The following DTNBP1 variants were observed in gnomAD, a reference collection of about 807,000 sequenced individuals.
The protein encoded by DTNBP1 is dystrobrevin binding protein 1.
DTNBP1 carries 35 observed loss-of-function variants against 42.8 expected under a neutral mutation model. That is an observed-to-expected ratio of 0.82 (90% confidence interval 0.63 to 1.09). DTNBP1 has a LOEUF of 1.09. Among genes scored for constraint, DTNBP1 ranks in the 50% least tolerant of loss-of-function variants. The pLI is 0.00. For missense variants in DTNBP1, 457 were observed against 424.2 expected, an observed-to-expected ratio of 1.08 and a Z score of -0.68; for synonymous variants, 171 against 162.2, an observed-to-expected ratio of 1.05 and a Z score of -0.41.
intron 7 of DTNBP1, among the ~76,000 whole-genome samples, chr6:15,540,320 ATGCTTCAAC>A (rs1220049254): frequency 6.6e-6 from 1 of 152,262 alleles, no homozygotes; most frequent in Admixed American, 6.5e-5. Flanking sequence ...TACATTAAGT[ATGCTTCAAC>A]TGCTTCAAAG....
intron 6 of DTNBP1, among the ~76,000 whole-genome samples, chr6:15,594,478 AC>A (rs1318282589): frequency 2.0e-5 from 3 of 151,432 alleles, no homozygotes; most frequent in Non-Finnish European, 4.4e-5. Flanking sequence ...AAAAAAAAAA[AC>A]GAAACAAAAC....
intron 7 of DTNBP1, among the ~76,000 whole-genome samples, chr6:15,588,281 G>T (rs111802512): frequency 6.6e-6 from 1 of 152,116 alleles, no homozygotes; most frequent in Non-Finnish European, 1.5e-5. Context: ...TTTTAGTCTA[G>T]ACCTGATCTT....
chr6:15,601,111 T>C lies in DTNBP1; in HGVS notation c.489-8030A>G, dbSNP rs531564088. Among the ~76,000 whole-genome samples the C allele has an allele frequency of 5.9e-5, 9 of 152,246 alleles. No individual in the cohort carries two copies. The East Asian group carries it at 1.7e-3, about 29-fold the overall frequency. On this transcript the variant is annotated intron_variant, in intron 6 of 9. Coordinates refer to ENST00000344537, the MANE Select transcript of DTNBP1 (RefSeq NM_032122.5). The stretch of plus-strand genomic sequence containing the variant: ...CAGAGAAGAACATCTGGGATACTGG[T>C]GTTGAAGTCAAGAGAGGACAGTATC...
Position 15,523,156 on chromosome 6 carries a change from C to T in DTNBP1, c.875G>A (p.Arg292Lys), listed in dbSNP as rs1772029470. Reference protein sequence around the residue: ...TLQVPNPSELRAKPPSSSSTC... With the variant: ...TLQVPNPSELKAKPPSSSSTC... ...GGAGGAAGAAGAAGGTGGCTTGGCT[C>T]TTAATTCTGAGGGATTTGGAACCTG... is the stretch of plus-strand genomic sequence containing the variant. Residue 292 changes from arginine (R) to lysine (K), a missense_variant, in exon 10 of 10, where the codon AGA (arginine) becomes AAA (lysine). Coordinates refer to ENST00000344537, the MANE Select transcript of DTNBP1 (RefSeq NM_032122.5). The T allele has an allele frequency of 6.2e-7, 1 of 1,614,090 alleles. No homozygotes were observed. Among genetic ancestry groups the T allele is most frequent in the Admixed American group, 1.7e-5 (1 of 60,006 alleles).
chr6:15,658,531 T>C (rs145101662), intron 1 of DTNBP1, among the ~76,000 whole-genome samples: 1 of 152,102 alleles, frequency 6.6e-6, no homozygotes, highest in Non-Finnish European at 1.5e-5. Flanking sequence ...CAGGTTTTTT[T>C]ATCCCCAACC....
chr6:15,591,570 A>C (rs1776299915), intron 7 of DTNBP1, among the ~76,000 whole-genome samples: 1 of 152,250 alleles, frequency 6.6e-6, no homozygotes, highest in Non-Finnish European at 1.5e-5. Context: ...TTAATTGTAC[A>C]TAATTAGGAA....
intron 7 of DTNBP1, among the ~76,000 whole-genome samples, chr6:15,576,131 T>A (rs1479221034): frequency 1.3e-5 from 2 of 151,864 alleles, no homozygotes; most frequent in Non-Finnish European, 2.9e-5. Flanking sequence ...TTTTCCTTTT[T>A]TTTTTGAGAC....
At chr6:15,634,895 A>G (rs1200581253) in intron 4 of DTNBP1, among the ~76,000 whole-genome samples, 1 of 152,164 alleles carries the variant, frequency 6.6e-6, no homozygotes, top group Non-Finnish European at 1.5e-5. Flanking sequence ...TCCTTCCTAC[A>G]TCTCAGACCC....
Position 15,662,948 on chromosome 6 carries a change from C to A in DTNBP1, c.-79G>T. On this transcript the variant is annotated 5_prime_UTR_variant, in exon 1 of 10. Transcript: ENST00000344537. Reference sequence around the variant, plus strand: ...CGCCCCCTGGGTCCCACGCCGCCAACCCCGCGCTGTCACCGCGCGCCCCGC... The same window carrying A: ...CGCCCCCTGGGTCCCACGCCGCCAAACCCGCGCTGTCACCGCGCGCCCCGC... The A allele has an allele frequency of 8.2e-6, 13 of 1,584,646 alleles. No homozygotes were observed. Among genetic ancestry groups the A allele is most frequent in the Non-Finnish European group, 1.1e-5 (13 of 1,168,648 alleles).
rs1475222344 is a variant in DTNBP1 at position 15,565,374 on chromosome 6, G to T, written c.511+27685C>A. ...TGAAAACATGTGCACACAAAGGCTT[G>T]CACAGGAATGTTTACAGTAGTACTT... On this transcript the variant is annotated intron_variant, in intron 7 of 9. Coordinates refer to ENST00000344537, the MANE Select transcript of DTNBP1 (RefSeq NM_032122.5). Among the ~76,000 whole-genome samples the T allele has an allele frequency of 1.3e-5, 2 of 152,166 alleles. 1 individual carries two copies. Among genetic ancestry groups the T allele is most frequent in the African/African-American group, 4.8e-5 (2 of 41,422 alleles).
chr6:15,652,393 G>A (rs1321578070), intron 1 of DTNBP1, among the ~76,000 whole-genome samples: 2 of 151,858 alleles, frequency 1.3e-5, no homozygotes, highest in Non-Finnish European at 2.9e-5. Flanking sequence ...TGTTGCCCAA[G>A]CTGGTCTCAT....
At chr6:15,533,717 G>T (rs1176331458) in intron 7 of DTNBP1, 2 of 518,094 alleles carry the variant, frequency 3.9e-6, no homozygotes, top group Non-Finnish European at 7.5e-6. Flanking sequence ...CAGCTTCTCA[G>T]GTCGTCCTTC....
intron 5 of DTNBP1, among the ~76,000 whole-genome samples, chr6:15,617,865 T>C (rs770257617): frequency 6.6e-5 from 10 of 151,570 alleles, no homozygotes; most frequent in East Asian, 1.9e-4. Context: ...AAAGCAAAAA[T>C]AGACAAACTA....
At chr6:15,523,796 C>G (rs1772120015) in intron 9 of DTNBP1, 4 of 1,287,100 alleles carry the variant, frequency 3.1e-6, no homozygotes, top group Non-Finnish European at 4.0e-6. Flanking sequence ...ACCCAAGCTC[C>G]TTCTCTTCCC....
intron 5 of DTNBP1, among the ~76,000 whole-genome samples, chr6:15,625,115 A>G (rs921931620): frequency 6.6e-6 from 1 of 152,220 alleles, no homozygotes; most frequent in Non-Finnish European, 1.5e-5. Context: ...TAAAATTCCA[A>G]GTTTTGATAT....
chr6:15,545,336 ACATT>A (rs1410328641), intron 7 of DTNBP1, among the ~76,000 whole-genome samples: 1 of 152,258 alleles, frequency 6.6e-6, no homozygotes, highest in African/African-American at 2.4e-5. Flanking sequence ...TTTATACCAT[ACATT>A]ATTTCTGTGA....
At chr6:15,535,999 G>A (rs1773206814) in intron 7 of DTNBP1, among the ~76,000 whole-genome samples, 1 of 152,214 alleles carries the variant, frequency 6.6e-6, no homozygotes, top group Non-Finnish European at 1.5e-5. Context: ...TGAGAGCAAT[G>A]ATTAAGGGTA....
chr6:15,650,571 C>G, intron 3 of DTNBP1, among the ~76,000 whole-genome samples: 1 of 152,064 alleles, frequency 6.6e-6, no homozygotes, highest in East Asian at 1.9e-4. Flanking sequence ...TATGAGCCAC[C>G]GCGACCGGCC....
chr6:15,580,814 A>G (rs1345121186), intron 7 of DTNBP1, among the ~76,000 whole-genome samples: 1 of 152,250 alleles, frequency 6.6e-6, no homozygotes, highest in Non-Finnish European at 1.5e-5. Context: ...GTTAAACATG[A>G]GCTGACTGGC....
Sources: allele counts gnomAD v4.1 joint callset (sites outside exome capture counted in the v4.1 genomes callset), GRCh38; gene constraint gnomAD v4.1.1; transcripts MANE v1.5; gene names NCBI Gene and HGNC (gene_info 2026-07-23, HGNC 2026-07-21).